Variants in WDR70 observed in about 807,000 individuals in gnomAD.
WDR70 encodes WD repeat-containing protein 70.
In WDR70, 53 loss-of-function variants were observed where a neutral mutation model predicts 88.6. The observed-to-expected ratio is 0.60, with a 90% CI of 0.48 to 0.75. The LOEUF is 0.75. Ranked by LOEUF, WDR70 falls within the 30% of genes least tolerant of loss-of-function variation. The pLI, the probability that WDR70 is intolerant of heterozygous loss-of-function variation, is 0.00. For synonymous variants in WDR70, 280 were observed against 270.0 expected (o/e 1.04, Z -0.36); for missense variants, 610 against 823.2 (o/e 0.74, Z 3.17).
chr5:37,588,879 T>G (rs1010283388), intron 9 of WDR70, among the ~76,000 whole-genome samples: 8 of 151,988 alleles, frequency 5.3e-5, no homozygotes, highest in African/African-American at 1.9e-4. Flanking sequence ...ATTCTCTTGC[T>G]TCAGCCTCCC....
intron 10 of WDR70, among the ~76,000 whole-genome samples, chr5:37,675,995 A>G (rs1746193232): frequency 1.3e-5 from 2 of 150,870 alleles, no homozygotes; most frequent in African/African-American, 4.9e-5. Flanking sequence ...TCTTTGAAGC[A>G]ATTGTGAATG....
intron 9 of WDR70, among the ~76,000 whole-genome samples, chr5:37,600,517 AC>A (rs1158299646): frequency 8.4e-6 from 1 of 119,446 alleles, no homozygotes; most frequent in African/African-American, 3.3e-5. Context: ...ACAGAGCAAG[AC>A]TCCGTCTCAA....
intron 10 of WDR70, among the ~76,000 whole-genome samples, chr5:37,651,180 T>C (rs1237651714): frequency 1.3e-5 from 2 of 152,110 alleles, no homozygotes. Context: ...TTCTCATTGT[T>C]CAGCTCCCAC....
intron 8 of WDR70, among the ~76,000 whole-genome samples, chr5:37,507,612 T>C (rs1740601346): frequency 6.6e-6 from 1 of 152,168 alleles, no homozygotes; most frequent in African/African-American, 2.4e-5. Context: ...AGTCTGAAGA[T>C]CAATTTGGAG....
intron 13 of WDR70, among the ~76,000 whole-genome samples, chr5:37,706,487 G>A (rs982908084): frequency 6.6e-6 from 1 of 152,106 alleles, no homozygotes; most frequent in Non-Finnish European, 1.5e-5. Flanking sequence ...TGCTGTTCTT[G>A]TGATAGTGAA....
chr5:37,460,467 A>G (rs935456362), intron 7 of WDR70, among the ~76,000 whole-genome samples: 1 of 53,418 alleles, frequency 1.9e-5, no homozygotes, highest in African/African-American at 5.5e-5. Context: ...GCATATTCTC[A>G]CTCATAGGTG....
chr5:37,559,461 TTAATCCA>T (rs1381536473), intron 9 of WDR70, among the ~76,000 whole-genome samples: 2 of 152,204 alleles, frequency 1.3e-5, no homozygotes, highest in African/African-American at 2.4e-5. Context: ...AACACAAATA[TTAATCCA>T]GAGCATATTC....
intron 9 of WDR70, among the ~76,000 whole-genome samples, chr5:37,551,963 G>A (rs1561898552): frequency 1.3e-5 from 2 of 151,762 alleles, no homozygotes; most frequent in Middle Eastern, 3.4e-3. Flanking sequence ...GTAGAGATGG[G>A]GTTTCACCAT....
intron 13 of WDR70, among the ~76,000 whole-genome samples, chr5:37,718,392 A>G (rs528537049): frequency 3.3e-5 from 5 of 152,290 alleles, no homozygotes; most frequent in African/African-American, 9.6e-5. Context: ...ATCTTTTCCA[A>G]TTCTGCACCC....
Position 37,697,755 on chromosome 5 carries a change from G to A in WDR70, c.1192+1G>A, listed in dbSNP as rs1747026822. On this transcript the variant is annotated splice_donor_variant, in intron 11 of 17. Coordinates refer to ENST00000265107, the MANE Select transcript of WDR70 (RefSeq NM_018034.4). LOFTEE classifies it high-confidence loss of function. ...GGTAATGTCCTTGCCTCTCGTGGAGGTAGGTTAAAAGCTTTCTTTTTGATG... is the reference window on the plus strand; with the variant it reads ...GGTAATGTCCTTGCCTCTCGTGGAGATAGGTTAAAAGCTTTCTTTTTGATG... 1.2e-6 allele frequency: 2 copies of A among 1,611,654 alleles called. No individual in the cohort carries two copies. Among genetic ancestry groups the A allele is most frequent in the Non-Finnish European group, 1.7e-6 (2 of 1,177,944 alleles).
At chr5:37,518,883 GATGACT>G (rs1740983089) in intron 9 of WDR70, among the ~76,000 whole-genome samples, 2 of 151,928 alleles carry the variant, frequency 1.3e-5, no homozygotes. Context: ...AGGGAGTGGT[GATGACT>G]CTTAACGAGC....
intron 9 of WDR70, among the ~76,000 whole-genome samples, chr5:37,522,179 A>G (rs929805467): frequency 1.3e-5 from 2 of 152,044 alleles, no homozygotes; most frequent in Non-Finnish European, 2.9e-5. Flanking sequence ...TCTTTTAAGA[A>G]TTGTCTATTT....
intron 9 of WDR70, among the ~76,000 whole-genome samples, chr5:37,525,370 T>C (rs1460883691): frequency 6.6e-6 from 1 of 152,232 alleles, no homozygotes; most frequent in South Asian, 2.1e-4. Flanking sequence ...AACCTGCTCC[T>C]GAATGACTTC....
chr5:37,505,002 A>T (rs1218343436), intron 8 of WDR70, among the ~76,000 whole-genome samples: 1 of 152,234 alleles, frequency 6.6e-6, no homozygotes, highest in African/African-American at 2.4e-5. Context: ...AAATATAAGT[A>T]AAAGAATCAC....
rs559621769 is a variant in WDR70, at chr5:37,431,011, G to A, written c.493-6911G>A. Among the ~76,000 whole-genome samples, 36 of 152,060 alleles carry A rather than the reference G, an allele frequency of 2.4e-4. No individual in the cohort carries two copies. In the East Asian group the frequency reaches 6.0e-3, roughly 25 times the overall value. ...TGGGACTACAGGCTTGTGCCACCAT[G>A]TCTGGCTAATTTTTGTATTTTTACT... On this transcript the variant is annotated intron_variant, in intron 5 of 17. Coordinates refer to ENST00000265107, the MANE Select transcript of WDR70 (RefSeq NM_018034.4).
Position 37,585,027 on chromosome 5 carries a change from G to T in WDR70, c.918-20037G>T, listed in dbSNP as rs145457646. 2.7e-4 allele frequency among the ~76,000 whole-genome samples: 39 copies of T among 146,452 alleles called. No individual in the cohort carries two copies. The East Asian group carries it at 6.4e-3, about 24-fold the overall frequency. ...TTTTTTGGAGATGGAGTTTCACTCT[G>T]TTGCCTAGGCTGGAATGCCATGGCA... On this transcript the variant is annotated intron_variant, in intron 9 of 17. Coordinates refer to ENST00000265107, the MANE Select transcript of WDR70 (RefSeq NM_018034.4).
chr5:37,676,977 C>T lies in WDR70; in HGVS notation c.1093-20678C>T, dbSNP rs551292908. ...TTTAGTCTTGGGAGGGTGTATGTGT[C>T]GAGGAATTTATCCATTTCTTCTAGA... On this transcript the variant is annotated intron_variant, in intron 10 of 17. Coordinates refer to ENST00000265107, the MANE Select transcript of WDR70 (RefSeq NM_018034.4). Among the ~76,000 whole-genome samples, 53 of 152,152 alleles carry T rather than the reference C, an allele frequency of 3.5e-4. 2 individuals carry two copies. In the South Asian group the frequency reaches 9.4e-3, roughly 27 times the overall value.
At chr5:37,429,510 A>G (rs1750238538) in intron 5 of WDR70, among the ~76,000 whole-genome samples, 1 of 151,952 alleles carries the variant, frequency 6.6e-6, no homozygotes, top group African/African-American at 2.4e-5. Context: ...GTTAATTTTT[A>G]TGTATGGTGT....
chr5:37,521,703 T>TAC (rs59206188), intron 9 of WDR70, among the ~76,000 whole-genome samples: 7,365 of 145,274 alleles, frequency 0.051, 192 homozygotes, highest in Middle Eastern at 0.08. Context: ...AGTCCAAGTA[T>TAC]ACACACACAC....
Sources: gnomAD v4.1 joint callset for allele counts (sites outside exome capture counted in the v4.1 genomes callset) on GRCh38, gnomAD v4.1.1 for gene constraint, MANE v1.5 for transcripts, NCBI Gene and HGNC (gene_info 2026-07-23, HGNC 2026-07-21) for gene names.